Variants in KIAA0825 observed in about 807,000 individuals in gnomAD.
KIAA0825 encodes the protein uncharacterized protein KIAA0825.
Under a neutral mutation model 147.6 loss-of-function variants are expected in KIAA0825, and 119 were observed. That is an observed-to-expected ratio of 0.81 (90% confidence interval 0.69 to 0.94). KIAA0825 has a LOEUF of 0.94. Among genes scored for constraint, KIAA0825 ranks in the 40% least tolerant of loss-of-function variants. KIAA0825 has a pLI of 0.00. For missense variants in KIAA0825, 1,381 were observed against 1,472.7 expected (o/e 0.94, Z 1.02); for synonymous variants, 470 against 518.1 (o/e 0.91, Z 1.26).
At chr5:94,371,340 G>A (rs184016569) in intron 20 of KIAA0825, among the ~76,000 whole-genome samples, 20 of 152,160 alleles carry the variant, frequency 1.3e-4, no homozygotes, top group South Asian at 6.2e-4. Flanking sequence ...CAAAAATACT[G>A]TAATATTAAT....
chr5:94,377,503 C>T (rs142229673), intron 20 of KIAA0825, among the ~76,000 whole-genome samples: 61 of 152,304 alleles, frequency 4.0e-4, no homozygotes, highest in Middle Eastern at 3.4e-3. Context: ...CACTCTCCTG[C>T]AAATGCAATC....
At chr5:94,553,517 C>T (rs1775946367) in intron 2 of KIAA0825, among the ~76,000 whole-genome samples, 1 of 149,652 alleles carries the variant, frequency 6.7e-6, no homozygotes, top group Non-Finnish European at 1.5e-5. Flanking sequence ...TAATCCCCAG[C>T]AATTTGGGAG....
chr5:94,535,833 C>T (rs1157322390), intron 3 of KIAA0825, among the ~76,000 whole-genome samples: 3 of 152,152 alleles, frequency 2.0e-5, no homozygotes, highest in Non-Finnish European at 2.9e-5. Context: ...GGTGGTTTCC[C>T]CAATTACCAT....
At chr5:94,263,431 C>G (rs148914069) in intron 20 of KIAA0825, among the ~76,000 whole-genome samples, 11 of 152,244 alleles carry the variant, frequency 7.2e-5, no homozygotes, top group Non-Finnish European at 1.5e-4. Context: ...CTCCTGACAC[C>G]TGCCAGAACA....
In KIAA0825 at chr5:94,472,820, G is replaced by C. The variant is rs115348217; in HGVS notation, c.1455+472C>G. 5.2e-3 allele frequency among the ~76,000 whole-genome samples: 784 copies of C among 152,214 alleles called. 6 individuals carry two copies. Among genetic ancestry groups the C allele is most frequent in the African/African-American group, 0.018 (753 of 41,538 alleles). ...AATCATTCTGGATTTAATGCCAAGT[G>C]ACTGTATTTACCTCCTATTTTCTCA... On this transcript the variant is annotated intron_variant, in intron 8 of 20. Transcript: ENST00000682413.
At chr5:94,426,533 T>G (rs1754909507) in intron 14 of KIAA0825, among the ~76,000 whole-genome samples, 1 of 152,094 alleles carries the variant, frequency 6.6e-6, no homozygotes, top group South Asian at 2.1e-4. Flanking sequence ...AATAAACCGA[T>G]AGAAACCAGA....
At chr5:94,166,504 GT>G (rs535152982) in intron 20 of KIAA0825, among the ~76,000 whole-genome samples, 1,434 of 100,758 alleles carry the variant, frequency 0.014, 12 homozygotes, top group African/African-American at 0.046. Context: ...CCTCTTGGTT[GT>G]TTTTTTTTTT....
intron 2 of KIAA0825, among the ~76,000 whole-genome samples, chr5:94,539,285 GC>G (rs1772778031): frequency 6.6e-6 from 1 of 152,164 alleles, no homozygotes; most frequent in African/African-American, 2.4e-5. Flanking sequence ...TGGGCAACCA[GC>G]AGCCCATGGG....
At chr5:94,474,407 T>C (rs1761600215) in intron 7 of KIAA0825, among the ~76,000 whole-genome samples, 1 of 152,206 alleles carries the variant, frequency 6.6e-6, no homozygotes, top group South Asian at 2.1e-4. Flanking sequence ...ACGTGCCACC[T>C]ACCCCAACTT....
Position 94,503,132 on chromosome 5 carries a change from G to A in KIAA0825, c.970+17116C>T, listed in dbSNP as rs531145364. ...TTAGCATAACTTTCCATGTTTAATG[G>A]TGCACTAAAGACTATACAAAAAGTA... On this transcript the variant is annotated intron_variant, in intron 5 of 20. Transcript: ENST00000682413. Among the ~76,000 whole-genome samples the A allele has an allele frequency of 4.0e-5, 6 of 150,186 alleles. No homozygotes were observed. In the South Asian group the frequency reaches 1.3e-3, roughly 31 times the overall value.
At chr5:94,175,588 A>C (rs1769017513) in intron 20 of KIAA0825, among the ~76,000 whole-genome samples, 1 of 152,158 alleles carries the variant, frequency 6.6e-6, no homozygotes, top group African/African-American at 2.4e-5. Context: ...GCCTTACAGC[A>C]TTCCCCTGTA....
At chr5:94,191,021 T>C (rs1054699453) in intron 20 of KIAA0825, among the ~76,000 whole-genome samples, 14 of 152,176 alleles carry the variant, frequency 9.2e-5, no homozygotes, top group African/African-American at 2.4e-4. Flanking sequence ...ATTTTTCATG[T>C]TTATTGAAAG....
chr5:94,257,030 T>G (rs899728400), intron 20 of KIAA0825, among the ~76,000 whole-genome samples: 25 of 152,136 alleles, frequency 1.6e-4, no homozygotes, highest in African/African-American at 6.0e-4. Context: ...TGCTGTATTT[T>G]CTTTCTAAAA....
intron 16 of KIAA0825, among the ~76,000 whole-genome samples, chr5:94,402,253 A>C (rs74902408): frequency 0.059 from 9,027 of 152,222 alleles, 869 homozygotes; most frequent in African/African-American, 0.21. Context: ...CAAAGTGCTT[A>C]GAAAAAGCAA....
intron 20 of KIAA0825, among the ~76,000 whole-genome samples, chr5:94,189,423 T>G (rs1400761791): frequency 1.3e-5 from 2 of 152,166 alleles, no homozygotes; most frequent in African/African-American, 4.8e-5. Context: ...ATATCTAAAA[T>G]TCATTTTAAG....
chr5:94,328,086 T>A (rs1197046926), intron 20 of KIAA0825, among the ~76,000 whole-genome samples: 1 of 152,156 alleles, frequency 6.6e-6, no homozygotes, highest in Non-Finnish European at 1.5e-5. Context: ...TTTTTTCAAG[T>A]CATCAATAGT....
chr5:94,465,814 G>A (rs1397093940), intron 10 of KIAA0825, among the ~76,000 whole-genome samples: 1 of 152,152 alleles, frequency 6.6e-6, no homozygotes, highest in Non-Finnish European at 1.5e-5. Flanking sequence ...GACTGCAGAG[G>A]AAGAATTAAC....
intron 13 of KIAA0825, among the ~76,000 whole-genome samples, chr5:94,446,261 C>T (rs572742157): frequency 2.6e-5 from 4 of 151,990 alleles, no homozygotes; most frequent in East Asian, 1.9e-4. Flanking sequence ...ACCATGGAGA[C>T]GTAACAGTAA....
intron 20 of KIAA0825, among the ~76,000 whole-genome samples, chr5:94,359,556 A>G (rs1243908657): frequency 6.6e-6 from 1 of 152,198 alleles, no homozygotes. Flanking sequence ...CAGGAGTTCA[A>G]GACTAGCCTG....
Sources: allele counts gnomAD v4.1 joint callset (sites outside exome capture counted in the v4.1 genomes callset), GRCh38; gene constraint gnomAD v4.1.1; transcripts MANE v1.5; gene names NCBI Gene and HGNC (gene_info 2026-07-23, HGNC 2026-07-21).